The following EPHA6 variants were observed in gnomAD, a reference collection of about 807,000 sequenced individuals.
EPHA6 encodes EPH receptor A6.
A neutral mutation model predicts 112.0 loss-of-function variants in EPHA6; 50 were observed. The observed-to-expected ratio is 0.45, with a 90% confidence interval of 0.36 to 0.56. EPHA6 has a LOEUF of 0.56. Among genes scored for constraint, EPHA6 ranks in the 20% least tolerant of loss-of-function variants. EPHA6 has a pLI of 0.00. For missense variants in EPHA6, 1,280 were observed against 1,417.4 expected (o/e 0.90, Z 1.56); for synonymous variants, 529 against 490.7 (o/e 1.08, Z -1.03).
intron 5 of EPHA6, among the ~76,000 whole-genome samples, chr3:97,275,837 G>A (rs562785204): frequency 5.3e-5 from 8 of 152,144 alleles, no homozygotes; most frequent in Admixed American, 3.9e-4. Context: ...AAGGTGGGGG[G>A]ATATGACAGG....
At position 97,634,280 on chromosome 3, in the gene EPHA6, G is replaced by A. The variant is rs539568404; in HGVS notation, c.2575-3593G>A. On this transcript the variant is annotated intron_variant, in intron 13 of 17. Coordinates refer to ENST00000389672, the MANE Select transcript of EPHA6 (RefSeq NM_001080448.3). ...AACCTTAGTCTGGGACTGGCTTATCGTGTTCAATGAATGTTAGCTATTTTT... is the reference window on the plus strand; with the variant it reads ...AACCTTAGTCTGGGACTGGCTTATCATGTTCAATGAATGTTAGCTATTTTT... Among the ~76,000 whole-genome samples the A allele has an allele frequency of 2.4e-4, 36 of 152,094 alleles. No individual in the cohort carries two copies. In the South Asian group the frequency reaches 7.3e-3, roughly 31 times the overall value.
intron 2 of EPHA6, among the ~76,000 whole-genome samples, chr3:96,958,116 C>G (rs1174128682): frequency 1.3e-5 from 2 of 152,054 alleles, no homozygotes; most frequent in South Asian, 4.1e-4. Flanking sequence ...CATGGTGAAA[C>G]CCCATCTCTA....
intron 7 of EPHA6, chr3:97,466,309 T>C: frequency 6.7e-7 from 1 of 1,486,446 alleles, no homozygotes; most frequent in Non-Finnish European, 9.4e-7. Context: ...TAATAAACAA[T>C]GAGAAGTAAC....
At chr3:97,087,446 G>T (rs1454278500) in intron 3 of EPHA6, among the ~76,000 whole-genome samples, 3 of 152,106 alleles carry the variant, frequency 2.0e-5, no homozygotes, top group Non-Finnish European at 4.4e-5. Flanking sequence ...ACTGAAAGCT[G>T]ATTTATTTTT....
intron 3 of EPHA6, among the ~76,000 whole-genome samples, chr3:97,071,801 GA>G (rs145892588): frequency 0.016 from 2,433 of 151,856 alleles, 63 homozygotes; most frequent in African/African-American, 0.056. Flanking sequence ...ATTATTTTGT[GA>G]GATTTTGGTG....
intron 7 of EPHA6, among the ~76,000 whole-genome samples, chr3:97,462,919 C>G (rs966763142): frequency 1.3e-5 from 2 of 152,176 alleles, no homozygotes; most frequent in South Asian, 2.1e-4. Flanking sequence ...TTTTCTGTCA[C>G]GTTCTGTGCT....
chr3:96,890,123 A>G (rs930881608), intron 2 of EPHA6, among the ~76,000 whole-genome samples: 2 of 132,340 alleles, frequency 1.5e-5, no homozygotes, highest in Non-Finnish European at 3.4e-5. Flanking sequence ...CCCCAAAATA[A>G]AAAAAAAAAC....
Position 97,475,441 on chromosome 3 carries a change from T to C in EPHA6, c.1984T>C (p.Phe662Leu). Residue 662 changes from phenylalanine to leucine, a missense_variant, in exon 8 of 18, where the codon TTC becomes CTC. By Grantham distance (22) the Phe-to-Leu change is conservative. Around this residue, in one of 4 missense-constraint regions of EPHA6, gnomAD observed 878 missense variants for 999.7 expected, o/e 0.88. Coordinates refer to ENST00000389672, the MANE Select transcript of EPHA6 (RefSeq NM_001080448.3). The stretch of plus-strand genomic sequence containing the variant: ...CACTCTCCTCGTCATCCTCACTTTA[T>C]TCTTCTTGATCACTGGGAGGTAACT... ...GFTLLVILTL[F>L]FLITGRCQWY... 1 of 1,610,922 alleles carries C rather than the reference T, an allele frequency of 6.2e-7. No individual in the cohort carries two copies. The highest frequency in any genetic ancestry group is 8.5e-7 in the Non-Finnish European group (1 of 1,178,118).
At chr3:97,424,264 C>T (rs562548471) in intron 6 of EPHA6, among the ~76,000 whole-genome samples, 8 of 152,240 alleles carry the variant, frequency 5.3e-5, no homozygotes, top group South Asian at 2.1e-4. Context: ...CACCTGGCCC[C>T]GTCTTTGACA....
chr3:97,324,717 T>C (rs1190932210), intron 5 of EPHA6, among the ~76,000 whole-genome samples: 1 of 151,886 alleles, frequency 6.6e-6, no homozygotes, highest in Non-Finnish European at 1.5e-5. Context: ...TTTTGCATTT[T>C]TTAGTAGAGA....
chr3:96,941,474 A>G (rs1309294654), intron 2 of EPHA6, among the ~76,000 whole-genome samples: 4 of 152,224 alleles, frequency 2.6e-5, no homozygotes, highest in Non-Finnish European at 2.9e-5. Flanking sequence ...ACTTCTGTGC[A>G]TTGGTTATTC....
intron 5 of EPHA6, among the ~76,000 whole-genome samples, chr3:97,333,068 G>A (rs184041576): frequency 7.9e-5 from 12 of 152,148 alleles, no homozygotes; most frequent in Admixed American, 3.9e-4. Flanking sequence ...TATTTACCAT[G>A]TTGAGTCTTC....
At chr3:97,705,642 A>G (rs955249128) in intron 14 of EPHA6, among the ~76,000 whole-genome samples, 4 of 152,224 alleles carry the variant, frequency 2.6e-5, no homozygotes, top group Non-Finnish European at 5.9e-5. Flanking sequence ...GAAAGAAAAC[A>G]GGACAGTAGA....
intron 11 of EPHA6, among the ~76,000 whole-genome samples, chr3:97,541,866 A>G (rs2092860067): frequency 6.6e-6 from 1 of 151,626 alleles, no homozygotes; most frequent in African/African-American, 2.4e-5. Context: ...TCTTAGAAGG[A>G]CAGAACTAAT....
chr3:97,658,106 C>T (rs577180244), intron 14 of EPHA6, among the ~76,000 whole-genome samples: 1 of 151,788 alleles, frequency 6.6e-6, no homozygotes, highest in South Asian at 2.1e-4. Context: ...TAATAATTTC[C>T]CTGGCATTAT....
intron 14 of EPHA6, among the ~76,000 whole-genome samples, chr3:97,656,965 G>A (rs1234619795): frequency 6.6e-6 from 1 of 151,772 alleles, no homozygotes; most frequent in African/African-American, 2.4e-5. Context: ...CTCTTAATCA[G>A]TGTATAATAT....
chr3:96,887,962 G>C (rs1375410781), intron 2 of EPHA6, among the ~76,000 whole-genome samples: 2 of 152,062 alleles, frequency 1.3e-5, no homozygotes, highest in East Asian at 3.9e-4. Flanking sequence ...ACAACTCCCA[G>C]TCTGTTTCTA....
chr3:97,069,225 A>C (rs1320444730), intron 3 of EPHA6, among the ~76,000 whole-genome samples: 2 of 152,194 alleles, frequency 1.3e-5, no homozygotes, highest in African/African-American at 4.8e-5. Flanking sequence ...CTTACAGTAA[A>C]GTAAGCTAGA....
At chr3:97,726,268 C>T (rs1053228823) in intron 15 of EPHA6, among the ~76,000 whole-genome samples, 2 of 152,048 alleles carry the variant, frequency 1.3e-5, no homozygotes, top group Non-Finnish European at 2.9e-5. Context: ...TGCTTTTACC[C>T]GTTAAGCTCT....
Sources: allele counts gnomAD v4.1 joint callset (sites outside exome capture counted in the v4.1 genomes callset), GRCh38; gene constraint gnomAD v4.1.1; regional missense constraint gnomAD v4.1.1; transcripts MANE v1.5; gene names NCBI Gene and HGNC (gene_info 2026-07-23, HGNC 2026-07-21).